Variants in ROR1 observed in about 807,000 individuals in gnomAD.
ROR1 encodes inactive tyrosine-protein kinase transmembrane receptor ROR1.
In ROR1, 19 loss-of-function variants were observed where a neutral mutation model predicts 78.8. That is an observed-to-expected ratio of 0.24 (90% CI 0.17 to 0.35). ROR1 has a LOEUF of 0.35. Ranked by LOEUF, ROR1 falls within the 10% of genes least tolerant of loss-of-function variation. ROR1 has a pLI of 1.00. For synonymous variants in ROR1, 386 were observed against 433.6 expected, an observed-to-expected ratio of 0.89 and a Z score of 1.36; for missense variants, 917 against 1,177.8, an observed-to-expected ratio of 0.78 and a Z score of 3.24.
intron 4 of ROR1, among the ~76,000 whole-genome samples, chr1:64,062,983 A>G (rs1273734403): frequency 1.3e-5 from 2 of 152,230 alleles, no homozygotes; most frequent in African/African-American, 4.8e-5. Context: ...TTAACAAAAG[A>G]AAAAACATAC....
At chr1:63,936,456 T>C (rs1645795352) in intron 1 of ROR1, among the ~76,000 whole-genome samples, 1 of 152,170 alleles carries the variant, frequency 6.6e-6, no homozygotes. Context: ...ACCCTTACCT[T>C]AAATGCTTGA....
At chr1:63,839,038 G>A (rs895883590) in intron 1 of ROR1, among the ~76,000 whole-genome samples, 10 of 151,952 alleles carry the variant, frequency 6.6e-5, no homozygotes, top group Admixed American at 2.0e-4. Context: ...GTGTAAGTAC[G>A]CTCTGTGATG....
intron 1 of ROR1, among the ~76,000 whole-genome samples, chr1:63,985,019 T>C (rs1432100626): frequency 6.6e-6 from 1 of 152,128 alleles, no homozygotes; most frequent in Non-Finnish European, 1.5e-5. Flanking sequence ...TCATTGTGAG[T>C]TTTTGGATGG....
At chr1:63,829,619 A>G (rs1011358818) in intron 1 of ROR1, among the ~76,000 whole-genome samples, 4 of 152,214 alleles carry the variant, frequency 2.6e-5, no homozygotes, top group Admixed American at 2.0e-4. Flanking sequence ...GTGCAGAACC[A>G]TAGAGTACTG....
At chr1:63,794,979 G>A (rs1054533142) in intron 1 of ROR1, among the ~76,000 whole-genome samples, 1 of 151,914 alleles carries the variant, frequency 6.6e-6, no homozygotes, top group African/African-American at 2.4e-5. Context: ...CATGCCTTAA[G>A]AGAGATCTGC....
At chr1:63,797,419 G>A (rs193250843) in intron 1 of ROR1, among the ~76,000 whole-genome samples, 76 of 152,256 alleles carry the variant, frequency 5.0e-4, no homozygotes, top group African/African-American at 1.8e-3. Context: ...AAGGCTGAAC[G>A]GAGAGTCATG....
At chr1:64,158,151 A>G (rs1649826964) in intron 7 of ROR1, among the ~76,000 whole-genome samples, 1 of 152,244 alleles carries the variant, frequency 6.6e-6, no homozygotes, top group South Asian at 2.1e-4. Context: ...CGTGTTCTAC[A>G]CATATTATAT....
At chr1:64,161,914 G>A (rs1649956459) in intron 8 of ROR1, among the ~76,000 whole-genome samples, 1 of 152,058 alleles carries the variant, frequency 6.6e-6, no homozygotes, top group South Asian at 2.1e-4. Context: ...CCTGGAAAAA[G>A]CACAAAGGAC....
chr1:63,877,127 T>C (rs1645292206), intron 1 of ROR1, among the ~76,000 whole-genome samples: 2 of 152,108 alleles, frequency 1.3e-5, no homozygotes, highest in Non-Finnish European at 2.9e-5. Context: ...CCTTACATGC[T>C]TGGTTTAATG....
At chr1:64,136,138 G>A (rs1322941796) in intron 4 of ROR1, among the ~76,000 whole-genome samples, 1 of 152,132 alleles carries the variant, frequency 6.6e-6, no homozygotes, top group Non-Finnish European at 1.5e-5. Context: ...ATTTAAAAAA[G>A]CTTTTACATT....
intron 1 of ROR1, among the ~76,000 whole-genome samples, chr1:63,823,544 G>A (rs997906100): frequency 1.3e-5 from 2 of 148,666 alleles, no homozygotes; most frequent in Non-Finnish European, 3.0e-5. Flanking sequence ...CAGACTTCTG[G>A]GCCCAAGTGA....
At chr1:63,926,420 T>A (rs567176818) in intron 1 of ROR1, among the ~76,000 whole-genome samples, 1 of 152,322 alleles carries the variant, frequency 6.6e-6, no homozygotes, top group African/African-American at 2.4e-5. Flanking sequence ...AGCCTTGTAG[T>A]ATAGTTTGAA....
chr1:64,169,828 A>T (rs1179856261), intron 8 of ROR1, among the ~76,000 whole-genome samples: 2 of 152,228 alleles, frequency 1.3e-5, no homozygotes, highest in African/African-American at 4.8e-5. Flanking sequence ...GAAATTGGCC[A>T]AAAAACAAAG....
intron 4 of ROR1, among the ~76,000 whole-genome samples, chr1:64,107,810 C>T (rs994705388): frequency 6.6e-6 from 1 of 152,006 alleles, no homozygotes; most frequent in African/African-American, 2.4e-5. Context: ...GTCTCACTCA[C>T]TCTAAGTAAA....
chr1:63,950,476 C>T (rs561434886), intron 1 of ROR1, among the ~76,000 whole-genome samples: 173 of 152,296 alleles, frequency 1.1e-3, no homozygotes, highest in African/African-American at 3.6e-3. Context: ...CCAGTGAGGA[C>T]GACCAGAGGT....
At chr1:63,984,038 CT>C (rs1030196692) in intron 1 of ROR1, among the ~76,000 whole-genome samples, 2 of 152,122 alleles carry the variant, frequency 1.3e-5, no homozygotes, top group Non-Finnish European at 1.5e-5. Context: ...ACATACTGTA[CT>C]TTTTTTCTAT....
At chr1:63,933,626 C>T (rs1353921974) in intron 1 of ROR1, among the ~76,000 whole-genome samples, 4 of 152,298 alleles carry the variant, frequency 2.6e-5, no homozygotes, top group Admixed American at 2.0e-4. Context: ...CTGCTTTGTA[C>T]GTTTTATCTA....
chr1:64,140,525 T>A, intron 6 of ROR1, 99 bp downstream of exon 6: 1 of 1,109,238 alleles, frequency 9.0e-7, no homozygotes, highest in Non-Finnish European at 1.3e-6. Context: ...TTCATACTGT[T>A]AATCAAATTA....
chr1:63,862,466 C>T (rs138117296), intron 1 of ROR1, among the ~76,000 whole-genome samples: 3 of 151,198 alleles, frequency 2.0e-5, no homozygotes, highest in African/African-American at 7.3e-5. Flanking sequence ...AGGCTTACTT[C>T]ACCTTCTCTG....
Sources: gnomAD v4.1 joint callset for allele counts (sites outside exome capture counted in the v4.1 genomes callset) on GRCh38, gnomAD v4.1.1 for gene constraint, MANE v1.5 for transcripts, NCBI Gene and HGNC (gene_info 2026-07-23, HGNC 2026-07-21) for gene names.